Variants in GALNT15 observed in about 807,000 individuals in gnomAD.
GALNT15 encodes UDP-GalNAc transferase T15.
Under a neutral mutation model 66.8 loss-of-function variants are expected in GALNT15, and 67 were observed. The ratio of observed to expected loss-of-function variants is 1.00; its 90% CI spans 0.82 to 1.23. The LOEUF (loss-of-function observed/expected upper bound fraction) is 1.23, where lower values mean the gene tolerates loss of function less well. Ranked by LOEUF, GALNT15 falls within the 50% of genes most tolerant of loss-of-function variation. The probability of loss-of-function intolerance (pLI) is 0.00; values close to 1 mark genes in which losing one functional copy is unlikely to be tolerated. For synonymous variants in GALNT15, 313 were observed against 311.5 expected, an observed-to-expected ratio of 1.00 and a Z score of -0.05; for missense variants, 827 against 804.3, an observed-to-expected ratio of 1.03 and a Z score of -0.34.
intron 9 of GALNT15, 150 bp downstream of exon 9, chr3:16,222,908 G>C: frequency 6.4e-6 from 6 of 941,226 alleles, no homozygotes; most frequent in Non-Finnish European, 9.3e-6. Flanking sequence ...AAGGCCTCAG[G>C]GGGAGGAAAA....
chr3:16,198,732 G>A (rs2063666316), intron 2 of GALNT15, among the ~76,000 whole-genome samples: 1 of 142,104 alleles, frequency 7.0e-6, no homozygotes, highest in South Asian at 2.2e-4. Context: ...CCAGTGACTG[G>A]GACTCCTTTC....
chr3:16,202,436 C>T (rs954838106), intron 3 of GALNT15, among the ~76,000 whole-genome samples: 1 of 152,188 alleles, frequency 6.6e-6, no homozygotes, highest in Admixed American at 6.5e-5. Context: ...AGTTCGAGAC[C>T]AGCCTGGCCA....
Position 16,208,647 on chromosome 3 carries a change from C to A in GALNT15, c.1056C>A (p.Leu352=). 1 of 1,614,068 alleles carries A rather than the reference C, an allele frequency of 6.2e-7. No individual in the cohort carries two copies. The highest frequency in any genetic ancestry group is 2.2e-5 in the East Asian group (1 of 44,886). ...EPLPEHVRKA[L]QSPISPIRSP... is the part of the protein sequence containing the mutation. Reference sequence around the variant, plus strand: ...TGCCAGAGCATGTGAGGAAGGCCCTCCAGTCCCCCATAAGCCCCATCAGGT... The same window carrying A: ...TGCCAGAGCATGTGAGGAAGGCCCTACAGTCCCCCATAAGCCCCATCAGGT... The change falls in exon 4 of 10, where the codon CTC becomes CTA. Residue 352 remains leucine (L), a synonymous_variant. Transcript: ENST00000339732.
At chr3:16,242,355 C>T in the GALNT15 span, among the ~76,000 whole-genome samples, 5 of 152,350 alleles carry the variant, frequency 3.3e-5, no homozygotes, top group East Asian at 9.6e-4. This position sits in a 1 kb window ranked among gnomAD's most constrained non-coding sequence, Gnocchi z 5.6. Flanking sequence ...TCTGACTGAA[C>T]TGACTTGCAG....
chr3:16,213,888 T>G (rs936578536), intron 6 of GALNT15, among the ~76,000 whole-genome samples: 1 of 152,208 alleles, frequency 6.6e-6, no homozygotes, highest in African/African-American at 2.4e-5. Context: ...CTCCCCATTC[T>G]AGATCCAATC....
At position 16,181,735 on chromosome 3, in the gene GALNT15, G is replaced by A. The variant is rs926797107; in HGVS notation, c.539+6045G>A. 4.6e-5 allele frequency among the ~76,000 whole-genome samples: 7 copies of A among 152,168 alleles called. No individual in the cohort carries two copies. Among genetic ancestry groups the A allele is most frequent in the African/African-American group, 7.2e-5 (3 of 41,434 alleles). ...AGGGACAAGAACAGGAACAAGCTGG[G>A]CTTGAGACCTGGGGCTGGAACTTAG... On this transcript the variant is annotated intron_variant, in intron 1 of 9. Coordinates refer to ENST00000339732, the MANE Select transcript of GALNT15 (RefSeq NM_054110.5). This position sits in a 1 kb window ranked among gnomAD's most constrained non-coding sequence, Gnocchi z 5.9.
At chr3:16,234,417 C>T (rs1261601348), downstream of GALNT15, among the ~76,000 whole-genome samples, 3 of 152,138 alleles carry the variant, frequency 2.0e-5, no homozygotes, top group Non-Finnish European at 2.9e-5. Flanking sequence ...CAGAAGCAGT[C>T]CTCAATTGAT....
At position 16,186,095 on chromosome 3, in the gene GALNT15, A is replaced by G. The variant is rs1349035941; in HGVS notation, c.540-9665A>G. 6.6e-6 allele frequency among the ~76,000 whole-genome samples: 1 copy of G among 152,252 alleles called. No homozygotes were observed. The highest frequency in any genetic ancestry group is 1.5e-5 in the Non-Finnish European group (1 of 68,044). ...AATACAAAAAGAACCCTTACAACCC[A>G]ACAATTAAACAACAAAACACTCCAT... On this transcript the variant is annotated intron_variant, in intron 1 of 9. Coordinates refer to ENST00000339732, the MANE Select transcript of GALNT15 (RefSeq NM_054110.5). The surrounding 1 kb of genome is among the most constrained non-coding windows in gnomAD (Gnocchi z 5.1).
chr3:16,202,055 A>C lies in GALNT15; in HGVS notation c.911+1232A>C, dbSNP rs140599153. Among the ~76,000 whole-genome samples, 23 of 152,368 alleles carry C rather than the reference A, an allele frequency of 1.5e-4. No homozygotes were observed. The East Asian group carries it at 4.4e-3, about 29-fold the overall frequency. ...ATCTCACCTGAAGTTAGGGATGATCAATCAAATATAAGAAAAAATTCCTGG... is the reference window on the plus strand; with the variant it reads ...ATCTCACCTGAAGTTAGGGATGATCCATCAAATATAAGAAAAAATTCCTGG... On this transcript the variant is annotated intron_variant, in intron 3 of 9. Transcript: ENST00000339732.
At position 16,188,811 on chromosome 3, in the gene GALNT15, G is replaced by A. The variant is rs1574972837; in HGVS notation, c.540-6949G>A. 1.3e-5 allele frequency among the ~76,000 whole-genome samples: 2 copies of A among 152,132 alleles called. No homozygotes were observed. The highest frequency in any genetic ancestry group is 4.1e-4 in the South Asian group (2 of 4,820). ...GGGAGCGGGGGAGGAAGAGTGGATA[G>A]ATTGCAAAGCAGATGACAGGTCCTT... On this transcript the variant is annotated intron_variant, in intron 1 of 9. Coordinates refer to ENST00000339732, the MANE Select transcript of GALNT15 (RefSeq NM_054110.5). The surrounding 1 kb of genome is among the most constrained non-coding windows in gnomAD (Gnocchi z 4.6).
chr3:16,187,224 A>G lies in GALNT15; in HGVS notation c.540-8536A>G, dbSNP rs2063526600. ...GGTTGCAGTGAGCTAAGATAATGCCACTGCACTCCAGCCTGGGTGACAGAA... is the reference window on the plus strand; with the variant it reads ...GGTTGCAGTGAGCTAAGATAATGCCGCTGCACTCCAGCCTGGGTGACAGAA... On this transcript the variant is annotated intron_variant, in intron 1 of 9. Transcript: ENST00000339732. The surrounding 1 kb of genome is among the most constrained non-coding windows in gnomAD (Gnocchi z 5.1). 6.6e-6 allele frequency among the ~76,000 whole-genome samples: 1 copy of G among 152,236 alleles called. No individual in the cohort carries two copies. Among genetic ancestry groups the G allele is most frequent in the South Asian group, 2.1e-4 (1 of 4,824 alleles).
downstream of GALNT15, among the ~76,000 whole-genome samples, chr3:16,231,317 GT>G (rs2064079748): frequency 6.6e-6 from 1 of 151,976 alleles, no homozygotes; most frequent in Non-Finnish European, 1.5e-5. This position sits in a 1 kb window ranked among gnomAD's most constrained non-coding sequence, Gnocchi z 4.1. Flanking sequence ...AGAACTTAAA[GT>G]AAAATAAATA....
chr3:16,220,092 A>G, intron 8 of GALNT15, 78 bp downstream of exon 8: 2 of 1,089,192 alleles, frequency 1.8e-6, no homozygotes, highest in Non-Finnish European at 2.8e-6. Context: ...GGGATGCCCC[A>G]TACTTCCCTT....
At chr3:16,201,997 C>A (rs749707165) in intron 3 of GALNT15, among the ~76,000 whole-genome samples, 1 of 152,138 alleles carries the variant, frequency 6.6e-6, no homozygotes, top group South Asian at 2.1e-4. Context: ...TAGAACCAAG[C>A]CTTATGACTT....
chr3:16,203,539 TCTCTCACA>T lies in GALNT15; in HGVS notation c.911+2718_911+2725del, dbSNP rs1352502679. On this transcript the variant is annotated intron_variant, in intron 3 of 9. Coordinates refer to ENST00000339732, the MANE Select transcript of GALNT15 (RefSeq NM_054110.5). The surrounding 1 kb of genome is among the most constrained non-coding windows in gnomAD (Gnocchi z 6.2). ...CACTCATTCTCTCTCTCTCTCTCTCTCTCTCACACACACACACACACACACACACACAC... is the reference window on the plus strand; with the variant it reads ...CACTCATTCTCTCTCTCTCTCTCTCTCACACACACACACACACACACACAC... Among the ~76,000 whole-genome samples, 8 of 53,254 alleles carry T rather than the reference TCTCTCACA, an allele frequency of 1.5e-4. No individual in the cohort carries two copies. The highest frequency in any genetic ancestry group is 7.4e-4 in the East Asian group (1 of 1,344). The allele number at this position is 53,254 out of a possible 152,430, so 34.9% of individuals were successfully genotyped here.
At chr3:16,194,557 G>A (rs1168313089) in intron 1 of GALNT15, among the ~76,000 whole-genome samples, 1 of 152,168 alleles carries the variant, frequency 6.6e-6, no homozygotes, top group Admixed American at 6.5e-5. Flanking sequence ...ACTATTCATA[G>A]TAGTGAAGTC....
the GALNT15 span, among the ~76,000 whole-genome samples, chr3:16,246,964 T>G: frequency 6.6e-6 from 1 of 152,376 alleles, no homozygotes; most frequent in South Asian, 2.1e-4. Flanking sequence ...TTGTTGTTGT[T>G]GCTATATATT....
the GALNT15 span, among the ~76,000 whole-genome samples, chr3:16,240,085 G>C: frequency 6.6e-6 from 1 of 152,194 alleles, no homozygotes; most frequent in South Asian, 2.1e-4. Context: ...GCATCTGGCC[G>C]ATACTCATGA....
chr3:16,231,600 A>G (rs2064082526), downstream of GALNT15, among the ~76,000 whole-genome samples: 1 of 152,196 alleles, frequency 6.6e-6, no homozygotes, highest in Non-Finnish European at 1.5e-5. The surrounding 1 kb of genome is among the most constrained non-coding windows in gnomAD (Gnocchi z 4.1). Flanking sequence ...CACCATGATG[A>G]CTTTACCCCT....
Sources: allele counts gnomAD v4.1 joint callset (sites outside exome capture counted in the v4.1 genomes callset), GRCh38; gene constraint gnomAD v4.1.1; non-coding constraint Gnocchi (gnomAD v3.1); transcripts MANE v1.5; gene names NCBI Gene and HGNC (gene_info 2026-07-23, HGNC 2026-07-21).